NKAIN3: variants seen among roughly 807,000 people sequenced by gnomAD.
NKAIN3 encodes sodium/potassium transporting ATPase interacting 3.
In NKAIN3, 25 loss-of-function variants were observed where a neutral mutation model predicts 30.2. That is an observed-to-expected ratio of 0.83 (90% confidence interval 0.60 to 1.16). The LOEUF is 1.16. NKAIN3 is among the 50% of genes most tolerant of loss of function. The pLI, the probability that NKAIN3 is intolerant of heterozygous loss-of-function variation, is 0.00. For missense variants in NKAIN3, 225 were observed against 254.1 expected, an observed-to-expected ratio of 0.89 and a Z score of 0.78; for synonymous variants, 91 against 89.6, an observed-to-expected ratio of 1.02 and a Z score of -0.09.
chr8:62,412,519 G>A (rs1804275936), intron 1 of NKAIN3, among the ~76,000 whole-genome samples: 1 of 152,078 alleles, frequency 6.6e-6, no homozygotes, highest in Non-Finnish European at 1.5e-5. Context: ...TCTACAGGAT[G>A]GGAGAAAATA....
At chr8:62,702,202 A>G (rs16929454) in intron 3 of NKAIN3, among the ~76,000 whole-genome samples, 27,195 of 152,144 alleles carry the variant, frequency 0.18, 2,617 homozygotes, top group East Asian at 0.38. Flanking sequence ...ATTCTTCTAC[A>G]GTGGCATATG....
At chr8:62,411,174 C>T (rs536280318) in intron 1 of NKAIN3, among the ~76,000 whole-genome samples, 7 of 152,068 alleles carry the variant, frequency 4.6e-5, no homozygotes, top group Non-Finnish European at 7.4e-5. Context: ...AACCAAATCC[C>T]GCAACATATC....
chr8:62,517,759 G>A (rs1012786773), intron 1 of NKAIN3, among the ~76,000 whole-genome samples: 2 of 152,092 alleles, frequency 1.3e-5, no homozygotes, highest in African/African-American at 4.8e-5. Context: ...TGGACATTTT[G>A]TTCTGTCAGG....
chr8:62,879,189 T>C (rs1362313614), intron 4 of NKAIN3, among the ~76,000 whole-genome samples: 2 of 152,192 alleles, frequency 1.3e-5, no homozygotes, highest in Non-Finnish European at 1.5e-5. Context: ...TCCTGACTTT[T>C]TAATGATCGC....
intron 1 of NKAIN3, among the ~76,000 whole-genome samples, chr8:62,356,247 T>G (rs1430109108): frequency 1.3e-5 from 2 of 152,358 alleles, no homozygotes; most frequent in African/African-American, 4.8e-5. Context: ...GATCCTCACC[T>G]GATTATGCAT....
chr8:62,735,062 CTAA>C (rs1815603554), intron 3 of NKAIN3, among the ~76,000 whole-genome samples: 1 of 152,208 alleles, frequency 6.6e-6, no homozygotes, highest in African/African-American at 2.4e-5. Flanking sequence ...TTTAGATACA[CTAA>C]TGACTATGTG....
chr8:62,939,693 C>CA (rs528455313), intron 5 of NKAIN3, among the ~76,000 whole-genome samples: 21 of 151,898 alleles, frequency 1.4e-4, no homozygotes, highest in African/African-American at 4.6e-4. Context: ...TCTTTTCAGA[C>CA]AAAAAAATGC....
rs537095503 is a variant in NKAIN3, at chr8:62,728,836, A to G, written c.274-18096A>G. Among the ~76,000 whole-genome samples the G allele has an allele frequency of 6.1e-4, 91 of 148,074 alleles. 1 individual carries two copies. In the East Asian group the frequency reaches 0.016, roughly 26 times the overall value. ...AAACCCCGTTTTTACTAAAAATAGA[A>G]AAAATTAGCCAGGCGTGGTGGCGGG... On this transcript the variant is annotated intron_variant, in intron 3 of 6. Transcript: ENST00000623646.
chr8:62,746,377 C>T (rs755442567), intron 3 of NKAIN3, among the ~76,000 whole-genome samples: 1 of 152,200 alleles, frequency 6.6e-6, no homozygotes, highest in Non-Finnish European at 1.5e-5. Flanking sequence ...TCTGCTCAGT[C>T]CTTTATTGCC....
chr8:62,886,594 G>C (rs1477229456), intron 4 of NKAIN3, among the ~76,000 whole-genome samples: 1 of 151,932 alleles, frequency 6.6e-6, no homozygotes, highest in African/African-American at 2.4e-5. Flanking sequence ...TCAGTTTAAA[G>C]GGATAATTTC....
At chr8:62,985,877 C>G (rs1311126239), downstream of NKAIN3, among the ~76,000 whole-genome samples, 7 of 152,164 alleles carry the variant, frequency 4.6e-5, no homozygotes, top group African/African-American at 1.7e-4. Context: ...GTGACATACT[C>G]CAGATTCTAC....
intron 1 of NKAIN3, among the ~76,000 whole-genome samples, chr8:62,344,267 A>G (rs7813901): frequency 0.039 from 5,950 of 152,182 alleles, 417 homozygotes; most frequent in African/African-American, 0.14. Context: ...TATTTAGAAT[A>G]GTTGATGTAA....
At chr8:62,439,403 A>G (rs934598571) in intron 1 of NKAIN3, among the ~76,000 whole-genome samples, 1 of 152,166 alleles carries the variant, frequency 6.6e-6, no homozygotes, top group Non-Finnish European at 1.5e-5. Flanking sequence ...CAGCCAACCC[A>G]TGCTTTTCTG....
intron 5 of NKAIN3, among the ~76,000 whole-genome samples, chr8:62,951,602 G>T (rs1458765091): frequency 2.0e-5 from 3 of 151,738 alleles, no homozygotes; most frequent in Non-Finnish European, 4.4e-5. Context: ...GGGACTACAG[G>T]CACATGCCAC....
At chr8:62,477,844 CAG>C (rs1426709646) in intron 1 of NKAIN3, among the ~76,000 whole-genome samples, 2 of 152,152 alleles carry the variant, frequency 1.3e-5, no homozygotes, top group South Asian at 2.1e-4. Context: ...CTGCCTAAAA[CAG>C]TGAGGGGATT....
At chr8:62,788,375 T>A (rs945602220) in intron 4 of NKAIN3, among the ~76,000 whole-genome samples, 1 of 152,172 alleles carries the variant, frequency 6.6e-6, no homozygotes, top group Non-Finnish European at 1.5e-5. Context: ...GCCCACTTTT[T>A]GATGGGGTTG....
At chr8:62,465,064 A>G (rs536698705) in intron 1 of NKAIN3, among the ~76,000 whole-genome samples, 14 of 152,296 alleles carry the variant, frequency 9.2e-5, no homozygotes, top group Admixed American at 2.0e-4. Flanking sequence ...CAACTCTCAA[A>G]TGGAAAGGTA....
chr8:62,511,842 G>A (rs970304826), intron 1 of NKAIN3, among the ~76,000 whole-genome samples: 1 of 152,194 alleles, frequency 6.6e-6, no homozygotes, highest in Non-Finnish European at 1.5e-5. Flanking sequence ...CCTTGGGAAA[G>A]CCTTTCTTAA....
chr8:62,926,445 A>G (rs1822445311), intron 5 of NKAIN3, among the ~76,000 whole-genome samples: 1 of 152,154 alleles, frequency 6.6e-6, no homozygotes. Context: ...AGAGAGGAGC[A>G]CATAGCCTGA....
Sources: allele counts gnomAD v4.1 joint callset (sites outside exome capture counted in the v4.1 genomes callset), GRCh38; gene constraint gnomAD v4.1.1; transcripts MANE v1.5; gene names NCBI Gene and HGNC (gene_info 2026-07-23, HGNC 2026-07-21).